The following FBXL17 variants were observed in gnomAD, a reference collection of about 807,000 sequenced individuals.
FBXL17 encodes the protein F-box and leucine rich repeat protein 17.
Under a neutral mutation model 66.2 loss-of-function variants are expected in FBXL17, and 22 were observed. The observed-to-expected ratio is 0.33, with a 90% CI of 0.24 to 0.47. FBXL17 has a LOEUF of 0.47. FBXL17 is among the 20% of genes least tolerant of loss of function. The probability of loss-of-function intolerance (pLI) is 1.00; values close to 1 mark genes in which losing one functional copy is unlikely to be tolerated. For missense variants in FBXL17, 878 were observed against 948.2 expected, an observed-to-expected ratio of 0.93 and a Z score of 0.97; for synonymous variants, 474 against 400.5, an observed-to-expected ratio of 1.18 and a Z score of -2.19.
intron 4 of FBXL17, among the ~76,000 whole-genome samples, chr5:108,283,979 G>A (rs1328815321): frequency 6.6e-6 from 1 of 151,786 alleles, no homozygotes; most frequent in African/African-American, 2.4e-5. Flanking sequence ...AAGCAAAACT[G>A]CGATGAGATG....
intron 6 of FBXL17, among the ~76,000 whole-genome samples, chr5:108,127,557 T>C (rs1195549410): frequency 6.6e-6 from 1 of 152,146 alleles, no homozygotes; most frequent in Non-Finnish European, 1.5e-5. Flanking sequence ...GAGATGCTTA[T>C]ATTAAAAAGA....
chr5:108,243,217 A>C (rs150316477), intron 4 of FBXL17, among the ~76,000 whole-genome samples: 1 of 152,310 alleles, frequency 6.6e-6, no homozygotes, highest in East Asian at 1.9e-4. Context: ...GTCCCTATTA[A>C]AAAGACCTAT....
chr5:107,968,845 T>C (rs1261503008), intron 7 of FBXL17, among the ~76,000 whole-genome samples: 2 of 151,942 alleles, frequency 1.3e-5, no homozygotes, highest in Non-Finnish European at 2.9e-5. Context: ...CCTTGTAGTA[T>C]AAAGCACATC....
chr5:108,077,697 A>G (rs76668998), intron 6 of FBXL17, among the ~76,000 whole-genome samples: 18,117 of 151,774 alleles, frequency 0.12, 1,359 homozygotes, highest in East Asian at 0.17. Flanking sequence ...TGAAAATGAT[A>G]GTATACCCAT....
chr5:108,257,008 T>A (rs992160987), intron 4 of FBXL17, among the ~76,000 whole-genome samples: 20 of 152,178 alleles, frequency 1.3e-4, no homozygotes, highest in Non-Finnish European at 1.5e-5. Context: ...ATATTTAAAT[T>A]GTTTTTAACT....
intron 7 of FBXL17, among the ~76,000 whole-genome samples, chr5:107,940,855 C>T (rs1226044890): frequency 6.6e-6 from 1 of 152,148 alleles, no homozygotes; most frequent in Non-Finnish European, 1.5e-5. Flanking sequence ...GGGGGCCTGA[C>T]CCCATCCCCA....
At chr5:107,869,007 GA>G (rs1472521617) in intron 8 of FBXL17, among the ~76,000 whole-genome samples, 5 of 152,246 alleles carry the variant, frequency 3.3e-5, no homozygotes, top group African/African-American at 1.2e-4. Context: ...TTGAGAAAGA[GA>G]GGGGTGAAGA....
intron 7 of FBXL17, among the ~76,000 whole-genome samples, chr5:107,956,218 A>G (rs1751661884): frequency 6.6e-6 from 1 of 152,224 alleles, no homozygotes; most frequent in South Asian, 2.1e-4. Context: ...TAATATCTTT[A>G]GAAAGTGATT....
intron 4 of FBXL17, among the ~76,000 whole-genome samples, chr5:108,326,001 G>A (rs1759830392): frequency 6.6e-6 from 1 of 152,134 alleles, no homozygotes; most frequent in Admixed American, 6.5e-5. Flanking sequence ...GAACAAGGAA[G>A]ATAATCTCCC....
intron 7 of FBXL17, among the ~76,000 whole-genome samples, chr5:107,941,185 T>TAC (rs1203337763): frequency 6.6e-6 from 1 of 151,736 alleles, no homozygotes; most frequent in Non-Finnish European, 1.5e-5. Flanking sequence ...GTTAGCAAGG[T>TAC]GTGTACCAGG....
At chr5:108,333,148 G>GTGTATA (rs1554089378) in intron 4 of FBXL17, among the ~76,000 whole-genome samples, 1 of 136,570 alleles carries the variant, frequency 7.3e-6, no homozygotes, top group Non-Finnish European at 1.5e-5. Flanking sequence ...AGAAATACCA[G>GTGTATA]TATATATATA....
chr5:107,915,160 C>T (rs914001500), intron 7 of FBXL17, among the ~76,000 whole-genome samples: 2 of 152,002 alleles, frequency 1.3e-5, no homozygotes, highest in African/African-American at 2.4e-5. Context: ...TTTGGCACCC[C>T]GTAAAATTTA....
At chr5:108,368,158 G>A (rs759652895) in intron 1 of FBXL17, among the ~76,000 whole-genome samples, 1 of 151,930 alleles carries the variant, frequency 6.6e-6, no homozygotes, top group Non-Finnish European at 1.5e-5. Context: ...TATATTTTCT[G>A]TAAGAAGAGG....
At chr5:108,167,061 A>G (rs1752440746) in intron 6 of FBXL17, among the ~76,000 whole-genome samples, 1 of 152,190 alleles carries the variant, frequency 6.6e-6, no homozygotes, top group African/African-American at 2.4e-5. Flanking sequence ...AGTAGAGATC[A>G]TTGTGTTTTT....
chr5:107,867,119 G>C (rs1748300040), intron 8 of FBXL17, among the ~76,000 whole-genome samples: 1 of 152,182 alleles, frequency 6.6e-6, no homozygotes, highest in East Asian at 1.9e-4. Context: ...TGCTCAGCTA[G>C]AGTGGTAGCA....
chr5:107,914,026 CA>C (rs1180951587), intron 7 of FBXL17, among the ~76,000 whole-genome samples: 4 of 151,372 alleles, frequency 2.6e-5, no homozygotes, highest in African/African-American at 9.7e-5. Context: ...GTATAAAATG[CA>C]ACCATGAGTT....
At chr5:107,887,110 T>C (rs1187795338) in intron 7 of FBXL17, among the ~76,000 whole-genome samples, 1 of 152,202 alleles carries the variant, frequency 6.6e-6, no homozygotes, top group South Asian at 2.1e-4. Flanking sequence ...GATAAGCGTA[T>C]TGTGGTTGTA....
chr5:108,126,627 C>CTCTG, intron 6 of FBXL17, among the ~76,000 whole-genome samples: 1 of 69,230 alleles, frequency 1.4e-5, no homozygotes, highest in Non-Finnish European at 2.8e-5. Context: ...CTCTCTGTCT[C>CTCTG]TCTGTCTCTC....
chr5:107,980,664 A>ATATTTTTT, intron 7 of FBXL17, among the ~76,000 whole-genome samples: 1 of 62,106 alleles, frequency 1.6e-5, no homozygotes, highest in Non-Finnish European at 2.7e-5. Flanking sequence ...ATATATATAT[A>ATATTTTTT]TTTTTTTTTT....
Sources: allele counts gnomAD v4.1 joint callset (sites outside exome capture counted in the v4.1 genomes callset), GRCh38; gene constraint gnomAD v4.1.1; transcripts MANE v1.5; gene names NCBI Gene and HGNC (gene_info 2026-07-23, HGNC 2026-07-21).